The following PRR16 variants were observed in gnomAD, a reference collection of about 807,000 sequenced individuals.
PRR16 encodes proline rich 16.
PRR16 carries 6 observed loss-of-function variants against 18.2 expected under a neutral mutation model. The observed-to-expected ratio is 0.33, with a 90% CI of 0.18 to 0.65. PRR16 has a LOEUF of 0.65. Among genes scored for constraint, PRR16 ranks in the 30% least tolerant of loss-of-function variants. PRR16 has a pLI of 0.74. For synonymous variants in PRR16, 151 were observed against 147.8 expected, an observed-to-expected ratio of 1.02 and a Z score of -0.16; for missense variants, 412 against 376.6, an observed-to-expected ratio of 1.09 and a Z score of -0.78.
chr5:120,604,755 T>G (rs1754099689), intron 1 of PRR16, among the ~76,000 whole-genome samples: 1 of 152,208 alleles, frequency 6.6e-6, no homozygotes, highest in Admixed American at 6.5e-5. Flanking sequence ...TAGCATTTAC[T>G]TGTCTGAAAT....
intron 1 of PRR16, among the ~76,000 whole-genome samples, chr5:120,643,594 G>T (rs1343560076): frequency 6.6e-6 from 1 of 152,096 alleles, no homozygotes; most frequent in Non-Finnish European, 1.5e-5. Context: ...TACAGGATAT[G>T]TCCTAAAAGT....
At position 120,677,471 on chromosome 5, in the gene PRR16, G is replaced by A. The variant is rs572296874; in HGVS notation, c.160-8483G>A. On this transcript the variant is annotated intron_variant, in intron 1 of 1. Transcript: ENST00000407149. ...GTTAGGGGAAGGTAGTGTATTTACC[G>A]GTCTTCTTCTCTTGTTAGAAATTCC... 7.9e-5 allele frequency among the ~76,000 whole-genome samples: 12 copies of A among 152,042 alleles called. No homozygotes were observed. The South Asian group carries it at 8.3e-4, about 10-fold the overall frequency.
chr5:120,597,413 T>C (rs1214557634), intron 1 of PRR16, among the ~76,000 whole-genome samples: 1 of 151,746 alleles, frequency 6.6e-6, no homozygotes, highest in Non-Finnish European at 1.5e-5. Context: ...AAGAATTTTT[T>C]GTGTATTAAT....
intron 1 of PRR16, among the ~76,000 whole-genome samples, chr5:120,564,413 G>A (rs998419365): frequency 7.2e-5 from 11 of 152,104 alleles, no homozygotes; most frequent in African/African-American, 2.4e-4. Context: ...GAGGCTTCCC[G>A]TGAAACTCCG....
chr5:120,708,018 T>G, the PRR16 span, among the ~76,000 whole-genome samples: 59 of 152,334 alleles, frequency 3.9e-4, 1 homozygote, highest in South Asian at 0.012. Context: ...AAGTATAATT[T>G]TCTCTGTACA....
intron 1 of PRR16, among the ~76,000 whole-genome samples, chr5:120,651,872 A>C (rs544431535): frequency 6.6e-6 from 1 of 151,994 alleles, no homozygotes. Flanking sequence ...GAAGAAAGTC[A>C]TTGGTAGCTT....
the PRR16 span, among the ~76,000 whole-genome samples, chr5:120,725,112 G>A: frequency 1.5e-4 from 23 of 151,932 alleles, no homozygotes; most frequent in Non-Finnish European, 2.9e-4. Flanking sequence ...TCCACCAAAG[G>A]CAGCATTGTA....
chr5:120,747,647 T>C, the PRR16 span, among the ~76,000 whole-genome samples: 1 of 152,124 alleles, frequency 6.6e-6, no homozygotes, highest in African/African-American at 2.4e-5. Flanking sequence ...AATATTAAAG[T>C]GACAGGCATT....
the PRR16 span, among the ~76,000 whole-genome samples, chr5:120,739,377 A>C: frequency 2.0e-5 from 3 of 152,192 alleles, no homozygotes; most frequent in Admixed American, 2.0e-4. Context: ...GACAAGGCTG[A>C]AACTGCAGAT....
At chr5:120,520,901 CT>C (rs552236332) in intron 1 of PRR16, among the ~76,000 whole-genome samples, 3,709 of 145,680 alleles carry the variant, frequency 0.025, 52 homozygotes, top group East Asian at 0.034. Context: ...GGAAACATTA[CT>C]TTTTTTTTTT....
chr5:120,546,821 G>A (rs1262072657), intron 1 of PRR16, among the ~76,000 whole-genome samples: 2 of 151,970 alleles, frequency 1.3e-5, no homozygotes, highest in Non-Finnish European at 2.9e-5. Flanking sequence ...GTGGCCCACT[G>A]GTAAAAGAAA....
At chr5:120,596,675 G>A (rs1380060478) in intron 1 of PRR16, among the ~76,000 whole-genome samples, 1 of 151,542 alleles carries the variant, frequency 6.6e-6, no homozygotes, top group East Asian at 1.9e-4. Flanking sequence ...ATTTGTGTAA[G>A]CCCCCTAATT....
intron 1 of PRR16, among the ~76,000 whole-genome samples, chr5:120,666,268 T>C (rs1171650645): frequency 1.3e-5 from 2 of 152,236 alleles, no homozygotes; most frequent in African/African-American, 4.8e-5. Flanking sequence ...TTGCCTGTTA[T>C]TGGTGTATAA....
chr5:120,664,972 A>G lies in PRR16; in HGVS notation c.160-20982A>G, dbSNP rs1452176048. On this transcript the variant is annotated intron_variant, in intron 1 of 1. Transcript: ENST00000407149. The stretch of plus-strand genomic sequence containing the variant: ...TTTATAGTCCTTTGGGTATATACCC[A>G]GTAAAGGGATTGCTGGGTCAAATGG... Among the ~76,000 whole-genome samples the G allele has an allele frequency of 2.0e-5, 3 of 151,990 alleles. No individual in the cohort carries two copies. The East Asian group carries it at 5.8e-4, about 29-fold the overall frequency.
In PRR16 at chr5:120,487,255, G is replaced by A. The variant is rs181689994; in HGVS notation, c.159+22610G>A. The stretch of plus-strand genomic sequence containing the variant: ...CCTTGGGCAGTATGGCCATTTTGAC[G>A]ATATTGATTCTTCCTACCCATGAGC... On this transcript the variant is annotated intron_variant, in intron 1 of 1. Transcript: ENST00000407149. Among the ~76,000 whole-genome samples the A allele has an allele frequency of 5.3e-3, 800 of 152,232 alleles. 13 individuals are homozygous for A. The highest frequency in any genetic ancestry group is 0.018 in the African/African-American group (756 of 41,536).
intron 1 of PRR16, among the ~76,000 whole-genome samples, chr5:120,609,029 C>T (rs1331839291): frequency 6.6e-6 from 1 of 152,052 alleles, no homozygotes; most frequent in Non-Finnish European, 1.5e-5. Context: ...ATTATTCATC[C>T]TAAAATGACC....
At chr5:120,702,941 C>G in the PRR16 span, among the ~76,000 whole-genome samples, 1 of 152,176 alleles carries the variant, frequency 6.6e-6, no homozygotes, top group African/African-American at 2.4e-5. Context: ...GTCCCCCGAT[C>G]CGAGTCACGG....
rs1047570835 is a variant in PRR16, at chr5:120,687,115, G to A, written c.*406G>A. 1 of 154,320 alleles carries A rather than the reference G, an allele frequency of 6.5e-6. No homozygotes were observed. Among genetic ancestry groups the A allele is most frequent in the Non-Finnish European group, 1.4e-5 (1 of 69,350 alleles). The allele number at this position is 154,320 out of a possible 1,614,324, so 9.6% of individuals were successfully genotyped here. A position where few individuals can be genotyped will look rare whatever the true frequency, so the allele number is the denominator to read the frequency against. The stretch of plus-strand genomic sequence containing the variant: ...CTTTTTACTAGGAAATTTTAATACT[G>A]AAGGACTATTTTATTATTTTTTTCT... On this transcript the variant is annotated 3_prime_UTR_variant, in exon 2 of 2. Coordinates refer to ENST00000407149, the MANE Select transcript of PRR16 (RefSeq NM_001300783.2).
At chr5:120,589,206 C>T (rs1019787193) in intron 1 of PRR16, among the ~76,000 whole-genome samples, 1 of 152,104 alleles carries the variant, frequency 6.6e-6, no homozygotes, top group African/African-American at 2.4e-5. Flanking sequence ...AATTTAATGG[C>T]ATTTTCTGCA....
Sources: allele counts gnomAD v4.1 joint callset (sites outside exome capture counted in the v4.1 genomes callset), GRCh38; gene constraint gnomAD v4.1.1; transcripts MANE v1.5; gene names NCBI Gene and HGNC (gene_info 2026-07-23, HGNC 2026-07-21).